The following NANOS1 variants were observed in gnomAD, a reference collection of about 807,000 sequenced individuals.
NANOS1 encodes the protein nanos homolog 1.
NANOS1 carries 1 observed loss-of-function variant against 1.1 expected under a neutral mutation model. The observed-to-expected ratio is 0.88, with a 90% CI of 0.31 to 4.20. The LOEUF is 4.20. Ranked by LOEUF, NANOS1 falls within the 30% of genes most tolerant of loss-of-function variation. The pLI is 0.17. For missense variants in NANOS1, 537 were observed against 457.9 expected, an observed-to-expected ratio of 1.17 and a Z score of -1.58; for synonymous variants, 252 against 230.6, an observed-to-expected ratio of 1.09 and a Z score of -0.84.
At position 119,030,800 on chromosome 10, in the gene NANOS1, C is replaced by T. The variant is rs1564745102; in HGVS notation, c.*120C>T. ...CAGCGGTCGGCTCGACATGGGACGT[C>T]GTCCTGGTGGTTTTTGAAAAGCAGC... On this transcript the variant is annotated 3_prime_UTR_variant, in exon 1 of 1. Transcript: ENST00000425699. The surrounding 1 kb of genome is among the most constrained non-coding windows in gnomAD (Gnocchi z 5.3). The T allele has an allele frequency of 9.0e-6, 11 of 1,216,312 alleles. No individual in the cohort carries two copies. Among genetic ancestry groups the T allele is most frequent in the Non-Finnish European group, 8.3e-6 (8 of 966,640 alleles). 75.3% of individuals were successfully genotyped at this position (1,216,312 alleles called of 1,614,324 possible). A position where few individuals can be genotyped will look rare whatever the true frequency, so the allele number is the denominator to read the frequency against.
Position 119,029,858 on chromosome 10 carries a change from C to A in NANOS1, c.57C>A (p.Pro19=). ...CCCGCCGCGGCCGCGCCCCCCCGCC[C>A]ATGGCGCTCGTGCCCAGCGCCCGCT... The part of the protein sequence containing the change: ...RSPRRGRAPP[P]MALVPSARYV... The change falls in exon 1 of 1, where the codon CCC becomes CCA. Residue 19 remains proline (P), a synonymous_variant. Coordinates refer to ENST00000425699, the MANE Select transcript of NANOS1 (RefSeq NM_199461.4). 8.1e-7 allele frequency: 1 copy of A among 1,240,042 alleles called. No homozygotes were observed. The highest frequency in any genetic ancestry group is 3.3e-5 in the East Asian group (1 of 30,032). The allele number at this position is 1,240,042 out of a possible 1,614,324, so 76.8% of individuals were successfully genotyped here.
At position 119,032,984 on chromosome 10, in the gene NANOS1, ACAAGGT is replaced by A. The variant is rs1382089159; in HGVS notation, c.*2307_*2312del. ...TTGGGAGGCGAGGCGGGGGTGGATC[ACAAGGT>A]CAGGAGACCAGCCTGGCCAACATGG... On this transcript the variant is annotated 3_prime_UTR_variant, in exon 1 of 1. Transcript: ENST00000425699. The A allele has an allele frequency of 4.8e-5, 8 of 166,248 alleles. No individual in the cohort carries two copies. In the East Asian group the frequency reaches 1.2e-3, roughly 24 times the overall value. The allele number at this position is 166,248 out of a possible 1,614,324, so 10.3% of individuals were successfully genotyped here.
At position 119,030,001 on chromosome 10, in the gene NANOS1, G is replaced by T; in HGVS notation, c.200G>T (p.Arg67Leu). The change falls in exon 1 of 1, where the codon CGC becomes CTC. Residue 67 changes from arginine (R) to leucine (L), a missense_variant. Arg to Leu is a moderately radical substitution (Grantham distance 102). Coordinates refer to ENST00000425699, the MANE Select transcript of NANOS1 (RefSeq NM_199461.4). The surrounding 1 kb of genome is among the most constrained non-coding windows in gnomAD (Gnocchi z 5.3). ...VDGEPRFGCA[R>L]GGNGGGGSPP... The stretch of plus-strand genomic sequence containing the variant: ...GGCGAGCCGCGCTTCGGCTGCGCCC[G>T]CGGTGGGAACGGCGGCGGCGGCTCC... 1 of 1,413,774 alleles carries T rather than the reference G, an allele frequency of 7.1e-7. No homozygotes were observed. The highest frequency in any genetic ancestry group is 9.2e-7 in the Non-Finnish European group (1 of 1,084,220). 87.6% of individuals were successfully genotyped at this position (1,413,774 alleles called of 1,614,324 possible).
At position 119,030,718 on chromosome 10, in the gene NANOS1, C is replaced by T. The variant is rs1848034809; in HGVS notation, c.*38C>T. The T allele has an allele frequency of 7.1e-6, 9 of 1,274,204 alleles. No homozygotes were observed. Among genetic ancestry groups the T allele is most frequent in the Non-Finnish European group, 8.9e-6 (9 of 1,010,626 alleles). 78.9% of individuals were successfully genotyped at this position (1,274,204 alleles called of 1,614,324 possible). A position where few individuals can be genotyped will look rare whatever the true frequency, so the allele number is the denominator to read the frequency against. Reference sequence around the variant, plus strand: ...CCGGCCGCCCAGGGTCGCCGCCGCCCCTCGCACCGCTAGGTCTGCGCACCA... The same window carrying T: ...CCGGCCGCCCAGGGTCGCCGCCGCCTCTCGCACCGCTAGGTCTGCGCACCA... On this transcript the variant is annotated 3_prime_UTR_variant, in exon 1 of 1. Transcript: ENST00000425699. This position sits in a 1 kb window ranked among gnomAD's most constrained non-coding sequence, Gnocchi z 5.3.
rs1476153736 is a variant in NANOS1, at chr10:119,030,169, TG to T, written c.372del (p.Ser125AlafsTer27). Reference sequence around the variant, plus strand: ...GAGCCGGGGTCCCGGGGCCGCTACCTGGGGAGCGCGCTGGAATTGCGCGCGC... The same window carrying T: ...GAGCCGGGGTCCCGGGGCCGCTACCTGGGAGCGCGCTGGAATTGCGCGCGC... Reference protein sequence around the residue: ...SDEPGSRGRYLGSALELRALE... With the variant: ...SDEPGSRGRYXGSALELRALE... On this transcript the variant is annotated frameshift_variant, in exon 1 of 1. Coordinates refer to ENST00000425699, the MANE Select transcript of NANOS1 (RefSeq NM_199461.4). LOFTEE classifies it low-confidence loss of function (END_TRUNC). The surrounding 1 kb of genome is among the most constrained non-coding windows in gnomAD (Gnocchi z 5.3). The T allele has an allele frequency of 7.4e-7, 1 of 1,348,210 alleles. No homozygotes were observed. The highest frequency in any genetic ancestry group is 9.5e-7 in the Non-Finnish European group (1 of 1,055,582). The allele number at this position is 1,348,210 out of a possible 1,614,324, so 83.5% of individuals were successfully genotyped here.
Position 119,031,269 on chromosome 10 carries a change from G to C in NANOS1, c.*589G>C, listed in dbSNP as rs1420922361. 1 of 167,112 alleles carries C rather than the reference G, an allele frequency of 6.0e-6. No homozygotes were observed. The highest frequency in any genetic ancestry group is 1.5e-5 in the Non-Finnish European group (1 of 68,136). The allele number at this position is 167,112 out of a possible 1,614,324, so 10.4% of individuals were successfully genotyped here. On this transcript the variant is annotated 3_prime_UTR_variant, in exon 1 of 1. Transcript: ENST00000425699. Reference sequence around the variant, plus strand: ...AAGTGAAGGTTTTGTAAACTTTCCAGTATTAATTTGGGCGGGTATTCCCCG... The same window carrying C: ...AAGTGAAGGTTTTGTAAACTTTCCACTATTAATTTGGGCGGGTATTCCCCG...
rs538539239 is a variant in NANOS1, at chr10:119,030,300, CCCGCCG to C, written c.514_519del (p.Ala172_Ala173del). 36 of 1,153,950 alleles carry C rather than the reference CCCGCCG, an allele frequency of 3.1e-5. No individual in the cohort carries two copies. Among genetic ancestry groups the C allele is most frequent in the African/African-American group, 1.3e-4 (8 of 60,968 alleles). 71.5% of individuals were successfully genotyped at this position (1,153,950 alleles called of 1,614,324 possible). A position where few individuals can be genotyped will look rare whatever the true frequency, so the allele number is the denominator to read the frequency against. On this transcript the variant is annotated inframe_deletion, in exon 1 of 1. Coordinates refer to ENST00000425699, the MANE Select transcript of NANOS1 (RefSeq NM_199461.4). The surrounding 1 kb of genome is among the most constrained non-coding windows in gnomAD (Gnocchi z 5.3). ...CGCCGCCGTGCTGCTGGGCTGCGCG[CCCGCCG>C]CCGCCGCCGCCGCCACCACCACCAG...
In NANOS1 at chr10:119,032,963, G is replaced by A. The variant is rs1393239109; in HGVS notation, c.*2283G>A. On this transcript the variant is annotated 3_prime_UTR_variant, in exon 1 of 1. Transcript: ENST00000425699. ...CATGCCTGTAATCCCAGCACTTTGG[G>A]AGGCGAGGCGGGGGTGGATCACAAG... is the stretch of plus-strand genomic sequence containing the variant. 1 of 166,984 alleles carries A rather than the reference G, an allele frequency of 6.0e-6. No individual in the cohort carries two copies. The highest frequency in any genetic ancestry group is 2.4e-5 in the African/African-American group (1 of 41,468). The allele number at this position is 166,984 out of a possible 1,614,324, so 10.3% of individuals were successfully genotyped here. A position where few individuals can be genotyped will look rare whatever the true frequency, so the allele number is the denominator to read the frequency against.
At position 119,030,381 on chromosome 10, in the gene NANOS1, C is replaced by G. The variant is rs1391158128; in HGVS notation, c.580C>G (p.Arg194Gly). Residue 194 changes from arginine to glycine, a missense_variant, in exon 1 of 1, where the codon CGG (arginine) becomes GGG (glycine). Physicochemically the swap from Arg to Gly is moderately radical, Grantham distance 125 (BLOSUM62 -2). Coordinates refer to ENST00000425699, the MANE Select transcript of NANOS1 (RefSeq NM_199461.4). The surrounding 1 kb of genome is among the most constrained non-coding windows in gnomAD (Gnocchi z 5.3). Reference sequence around the variant, plus strand: ...GGCCCCGGCGTGGGCGGCCGAGCCCCGGCTGCACGCGGCCTCCGGGGCGGC... The same window carrying G: ...GGCCCCGGCGTGGGCGGCCGAGCCCGGGCTGCACGCGGCCTCCGGGGCGGC... ...ERAPAWAAEP[R>G]LHAASGAAAA... The G allele has an allele frequency of 8.1e-7, 1 of 1,237,402 alleles. No homozygotes were observed. Among genetic ancestry groups the G allele is most frequent in the South Asian group, 2.9e-5 (1 of 34,808 alleles). 76.7% of individuals were successfully genotyped at this position (1,237,402 alleles called of 1,614,324 possible).
rs1208244496 is a variant in NANOS1 at position 119,031,641 on chromosome 10, C to T, written c.*961C>T. 1 of 166,692 alleles carries T rather than the reference C, an allele frequency of 6.0e-6. No individual in the cohort carries two copies. Among genetic ancestry groups the T allele is most frequent in the Admixed American group, 6.5e-5 (1 of 15,280 alleles). 10.3% of individuals were successfully genotyped at this position (166,692 alleles called of 1,614,324 possible). The stretch of plus-strand genomic sequence containing the variant: ...AAGGGAAGACAGCAGTATTAATTCA[C>T]CCTAGATTACTCAATTTCAGGGTTC... On this transcript the variant is annotated 3_prime_UTR_variant, in exon 1 of 1. Coordinates refer to ENST00000425699, the MANE Select transcript of NANOS1 (RefSeq NM_199461.4).
chr10:119,030,104 G>C lies in NANOS1; in HGVS notation c.303G>C (p.Gly101=). The C allele has an allele frequency of 7.6e-7, 1 of 1,323,226 alleles. No individual in the cohort carries two copies. Among genetic ancestry groups the C allele is most frequent in the South Asian group, 2.0e-5 (1 of 49,010 alleles). 82.0% of individuals were successfully genotyped at this position (1,323,226 alleles called of 1,614,324 possible). The change falls in exon 1 of 1, where the codon GGG becomes GGC. Residue 101 remains glycine (G), a synonymous_variant. Transcript: ENST00000425699. The surrounding 1 kb of genome is among the most constrained non-coding windows in gnomAD (Gnocchi z 5.3). Reference sequence around the variant, plus strand: ...CTGGGGCGCTGGGGCCGGCGCTGGGGCCGCCCGACTACGACGAGGACGACG... The same window carrying C: ...CTGGGGCGCTGGGGCCGGCGCTGGGCCCGCCCGACTACGACGAGGACGACG... ...AGPGALGPAL[G]PPDYDEDDDD... is the part of the protein sequence containing the mutation.
Position 119,030,651 on chromosome 10 carries a change from G to T in NANOS1, c.850G>T (p.Asp284Tyr). The T allele has an allele frequency of 7.1e-7, 1 of 1,403,744 alleles. No individual in the cohort carries two copies. The highest frequency in any genetic ancestry group is 9.3e-7 in the Non-Finnish European group (1 of 1,077,254). 87.0% of individuals were successfully genotyped at this position (1,403,744 alleles called of 1,614,324 possible). A position where few individuals can be genotyped will look rare whatever the true frequency, so the allele number is the denominator to read the frequency against. The change falls in exon 1 of 1, where the codon GAC becomes TAC. Residue 284 changes from aspartate (D) to tyrosine (Y), a missense_variant. By Grantham distance (160) the Asp-to-Tyr change is radical. Coordinates refer to ENST00000425699, the MANE Select transcript of NANOS1 (RefSeq NM_199461.4). The surrounding 1 kb of genome is among the most constrained non-coding windows in gnomAD (Gnocchi z 5.3). ...PARPPPRSAR[D>Y]GPPGKKLR ...CCGCCCGCCGCCCCGCAGCGCCAGG[G>T]ACGGCCCGCCTGGCAAGAAGCTGCG... is the stretch of plus-strand genomic sequence containing the variant.
Position 119,029,722 on chromosome 10 carries a change from C to CCGGCGGGCAGGCT in NANOS1, c.-74_-62dup. On this transcript the variant is annotated 5_prime_UTR_variant, in exon 1 of 1. Coordinates refer to ENST00000425699, the MANE Select transcript of NANOS1 (RefSeq NM_199461.4). ...CGCGGCGGCCCCACCCCGCGGCAGG[C>CCGGCGGGCAGGCT]CGGCGGGCAGGCTCGGCGTGTCCCT... 7 of 747,892 alleles carry CCGGCGGGCAGGCT rather than the reference C, an allele frequency of 9.4e-6. No individual in the cohort carries two copies. Among genetic ancestry groups the CCGGCGGGCAGGCT allele is most frequent in the Non-Finnish European group, 1.1e-5 (7 of 615,970 alleles). 46.3% of individuals were successfully genotyped at this position (747,892 alleles called of 1,614,324 possible). A position where few individuals can be genotyped will look rare whatever the true frequency, so the allele number is the denominator to read the frequency against.
rs1417874876 is a variant in NANOS1 at position 119,033,685 on chromosome 10, GATTT to G, written c.*3009_*3012del. On this transcript the variant is annotated 3_prime_UTR_variant, in exon 1 of 1. Coordinates refer to ENST00000425699, the MANE Select transcript of NANOS1 (RefSeq NM_199461.4). ...TGAGAACAACTTTTGTCATAGATTTGATTTATTAAACCAAAATTATACATATTAA... is the reference window on the plus strand; with the variant it reads ...TGAGAACAACTTTTGTCATAGATTTGATTAAACCAAAATTATACATATTAA... 7.8e-5 allele frequency: 13 copies of G among 166,388 alleles called. No homozygotes were observed. Among genetic ancestry groups the G allele is most frequent in the Middle Eastern group, 3.4e-3 (1 of 296 alleles). The allele number at this position is 166,388 out of a possible 1,614,324, so 10.3% of individuals were successfully genotyped here.
Position 119,030,910 on chromosome 10 carries a change from C to A in NANOS1, c.*230C>A. 3.6e-6 allele frequency: 2 copies of A among 551,302 alleles called. No homozygotes were observed. The highest frequency in any genetic ancestry group is 5.5e-6 in the Non-Finnish European group (2 of 364,754). 34.2% of individuals were successfully genotyped at this position (551,302 alleles called of 1,614,324 possible). On this transcript the variant is annotated 3_prime_UTR_variant, in exon 1 of 1. Coordinates refer to ENST00000425699, the MANE Select transcript of NANOS1 (RefSeq NM_199461.4). The surrounding 1 kb of genome is among the most constrained non-coding windows in gnomAD (Gnocchi z 5.3). ...GTCTTCAGTTTCTAGTTTGCACATC[C>A]AGAACGGCGAAGGCTGGGTGTGTAT...
rs1365515213 is a variant in NANOS1 at position 119,031,291 on chromosome 10, C to T, written c.*611C>T. On this transcript the variant is annotated 3_prime_UTR_variant, in exon 1 of 1. Coordinates refer to ENST00000425699, the MANE Select transcript of NANOS1 (RefSeq NM_199461.4). ...CCAGTATTAATTTGGGCGGGTATTC[C>T]CCGCTTGTGGCTTGTTTCTGTCCTA... 6.0e-6 allele frequency: 1 copy of T among 167,078 alleles called. No individual in the cohort carries two copies. Among genetic ancestry groups the T allele is most frequent in the Non-Finnish European group, 1.5e-5 (1 of 68,126 alleles). 10.3% of individuals were successfully genotyped at this position (167,078 alleles called of 1,614,324 possible).
chr10:119,032,544 C>T lies in NANOS1; in HGVS notation c.*1864C>T, dbSNP rs1848066383. 1 of 167,100 alleles carries T rather than the reference C, an allele frequency of 6.0e-6. No individual in the cohort carries two copies. The highest frequency in any genetic ancestry group is 2.4e-5 in the African/African-American group (1 of 41,452). 10.4% of individuals were successfully genotyped at this position (167,100 alleles called of 1,614,324 possible). A position where few individuals can be genotyped will look rare whatever the true frequency, so the allele number is the denominator to read the frequency against. On this transcript the variant is annotated 3_prime_UTR_variant, in exon 1 of 1. Transcript: ENST00000425699. Reference sequence around the variant, plus strand: ...TGAAGTTTCTAAGGTCAACATGAATCCTCTTACCTCTCTCACTGCTCGTGT... The same window carrying T: ...TGAAGTTTCTAAGGTCAACATGAATTCTCTTACCTCTCTCACTGCTCGTGT...
At position 119,030,180 on chromosome 10, in the gene NANOS1, C is replaced by A; in HGVS notation, c.379C>A (p.Leu127Met). 7.4e-7 allele frequency: 1 copy of A among 1,343,368 alleles called. No individual in the cohort carries two copies. The highest frequency in any genetic ancestry group is 9.5e-7 in the Non-Finnish European group (1 of 1,053,126). The allele number at this position is 1,343,368 out of a possible 1,614,324, so 83.2% of individuals were successfully genotyped here. Residue 127 changes from leucine to methionine, a missense_variant, in exon 1 of 1, where the codon CTG becomes ATG. Leu to Met is a conservative substitution (Grantham distance 15). Coordinates refer to ENST00000425699, the MANE Select transcript of NANOS1 (RefSeq NM_199461.4). This position sits in a 1 kb window ranked among gnomAD's most constrained non-coding sequence, Gnocchi z 5.3. ...CCGGGGCCGCTACCTGGGGAGCGCG[C>A]TGGAATTGCGCGCGCTGGAGCTGTG... ...GSRGRYLGSA[L>M]ELRALELCAG...
chr10:119,030,689 G>C lies in NANOS1; in HGVS notation c.*9G>C. ...GCAAGAAGCTGCGCTGAAGGCCCGG[G>C]CTCCCGGCCGCCCAGGGTCGCCGCC... On this transcript the variant is annotated 3_prime_UTR_variant, in exon 1 of 1. Transcript: ENST00000425699. This position sits in a 1 kb window ranked among gnomAD's most constrained non-coding sequence, Gnocchi z 5.3. 1 of 1,286,626 alleles carries C rather than the reference G, an allele frequency of 7.8e-7. No individual in the cohort carries two copies. The highest frequency in any genetic ancestry group is 1.6e-5 in the African/African-American group (1 of 64,224). The allele number at this position is 1,286,626 out of a possible 1,614,324, so 79.7% of individuals were successfully genotyped here. A position where few individuals can be genotyped will look rare whatever the true frequency, so the allele number is the denominator to read the frequency against.
Sources: allele counts gnomAD v4.1 joint callset, GRCh38; gene constraint gnomAD v4.1.1; non-coding constraint Gnocchi (gnomAD v3.1); transcripts MANE v1.5; gene names NCBI Gene and HGNC (gene_info 2026-07-23, HGNC 2026-07-21).